RPF2: variants seen among roughly 807,000 people sequenced by gnomAD.
The protein encoded by RPF2 is ribosome production factor 2 homolog, also known as brix domain containing 1.
Under a neutral mutation model 38.9 loss-of-function variants are expected in RPF2, and 21 were observed. That is an observed-to-expected ratio of 0.54 (90% CI 0.38 to 0.78). The LOEUF (loss-of-function observed/expected upper bound fraction) is 0.78, where lower values mean the gene tolerates loss of function less well. Ranked by LOEUF, RPF2 falls within the 30% of genes least tolerant of loss-of-function variation. The pLI, the probability that RPF2 is intolerant of heterozygous loss-of-function variation, is 0.00. For missense variants in RPF2, 314 were observed against 358.1 expected, an observed-to-expected ratio of 0.88 and a Z score of 0.99; for synonymous variants, 121 against 126.2, an observed-to-expected ratio of 0.96 and a Z score of 0.28.
intron 2 of RPF2, 55 bp downstream of exon 2, chr6:110,985,193 G>A: frequency 1.4e-6 from 2 of 1,478,764 alleles, no homozygotes; most frequent in Non-Finnish European, 1.8e-6. Flanking sequence ...AGAATTTTCA[G>A]CATGCTAGGA....
At chr6:111,017,995 G>A (rs1483509951) in intron 8 of RPF2, among the ~76,000 whole-genome samples, 7 of 152,106 alleles carry the variant, frequency 4.6e-5, no homozygotes. Context: ...CAGATCACTC[G>A]CGGTTAGGAG....
At chr6:110,987,898 CTGTAATCCCAGCACTT>C (rs1210477115) in intron 2 of RPF2, among the ~76,000 whole-genome samples, 1 of 152,090 alleles carries the variant, frequency 6.6e-6, no homozygotes, top group Non-Finnish European at 1.5e-5. Context: ...TGGCTCACAC[CTGTAATCCCAGCACTT>C]TGGGAGGCTG....
intron 7 of RPF2, among the ~76,000 whole-genome samples, chr6:111,011,271 G>C (rs1459786157): frequency 6.7e-6 from 1 of 148,974 alleles, no homozygotes. Context: ...AATTATCAAG[G>C]GTATTTTTCT....
At chr6:111,008,596 G>T (rs1396280329) in intron 7 of RPF2, among the ~76,000 whole-genome samples, 1 of 151,930 alleles carries the variant, frequency 6.6e-6, no homozygotes, top group African/African-American at 2.4e-5. Flanking sequence ...ATTAAATTTA[G>T]AAAGTTGAGG....
intron 8 of RPF2, among the ~76,000 whole-genome samples, chr6:111,016,701 T>TTA (rs397886006): frequency 4.1e-5 from 6 of 147,664 alleles, no homozygotes; most frequent in African/African-American, 1.3e-4. Flanking sequence ...TTTTTTTTTT[T>TTA]AATTGATCAT....
At chr6:111,012,383 G>A (rs752683579) in intron 7 of RPF2, among the ~76,000 whole-genome samples, 2 of 151,888 alleles carry the variant, frequency 1.3e-5, no homozygotes, top group African/African-American at 2.4e-5. Context: ...CATTGCTTGG[G>A]CTGGTCTCAG....
intron 8 of RPF2, among the ~76,000 whole-genome samples, chr6:111,023,461 TATA>T (rs1167129045): frequency 2.0e-5 from 3 of 152,206 alleles, no homozygotes; most frequent in African/African-American, 7.2e-5. Flanking sequence ...AAAAGCCAAT[TATA>T]ATTACTTTTA....
rs1257437183 is a variant in RPF2 at position 111,027,106 on chromosome 6, C to T, written c.*1524C>T. ...TTAGAGAGCTCCGTGCCTGTGTATA[C>T]ATGCCTTTATGTAAGCTTGCTCAGC... On this transcript the variant is annotated 3_prime_UTR_variant, in exon 10 of 10. Transcript: ENST00000441448. The T allele has an allele frequency of 2.6e-5, 4 of 152,118 alleles. No homozygotes were observed. Among genetic ancestry groups the T allele is most frequent in the African/African-American group, 9.7e-5 (4 of 41,422 alleles). 9.4% of individuals were successfully genotyped at this position (152,118 alleles called of 1,614,324 possible). A position where few individuals can be genotyped will look rare whatever the true frequency, so the allele number is the denominator to read the frequency against.
At position 111,026,042 on chromosome 6, in the gene RPF2, T is replaced by C. The variant is rs1405942322; in HGVS notation, c.*460T>C. 1 of 152,578 alleles carries C rather than the reference T, an allele frequency of 6.6e-6. No individual in the cohort carries two copies. The highest frequency in any genetic ancestry group is 2.4e-5 in the African/African-American group (1 of 41,458). 9.5% of individuals were successfully genotyped at this position (152,578 alleles called of 1,614,324 possible). The stretch of plus-strand genomic sequence containing the variant: ...ACTTTTATTTTGCCTGAAATCCTAC[T>C]CGTTGACATTTGAGATTTTAAGCTT... On this transcript the variant is annotated 3_prime_UTR_variant, in exon 10 of 10. Transcript: ENST00000441448.
At chr6:110,988,204 AAAAT>A (rs371153688) in intron 2 of RPF2, among the ~76,000 whole-genome samples, 51 of 152,204 alleles carry the variant, frequency 3.4e-4, no homozygotes, top group African/African-American at 1.2e-3. Flanking sequence ...CCCTGTCTCA[AAAAT>A]AAATAAATAA....
At chr6:110,993,825 A>G (rs918654576) in intron 4 of RPF2, among the ~76,000 whole-genome samples, 1 of 152,158 alleles carries the variant, frequency 6.6e-6, no homozygotes, top group Non-Finnish European at 1.5e-5. Flanking sequence ...ATAGTGGTCA[A>G]TTTTCTCCTC....
intron 8 of RPF2, among the ~76,000 whole-genome samples, chr6:111,021,085 C>A (rs1772223931): frequency 6.6e-6 from 1 of 152,122 alleles, no homozygotes; most frequent in African/African-American, 2.4e-5. Flanking sequence ...AGGAGAATTG[C>A]TTGAACCACG....
At chr6:111,009,981 T>A (rs957422155) in intron 7 of RPF2, among the ~76,000 whole-genome samples, 1 of 152,120 alleles carries the variant, frequency 6.6e-6, no homozygotes, top group Non-Finnish European at 1.5e-5. Context: ...CCTCCATGAT[T>A]TTTAAAAGGT....
At chr6:110,999,614 G>C in intron 5 of RPF2, 97 bp from the exon 6 acceptor site, 1 of 719,552 alleles carries the variant, frequency 1.4e-6, no homozygotes, top group South Asian at 1.7e-5. Context: ...GAAAAAAGAG[G>C]CAGATATTAG....
chr6:110,995,106 C>T (rs1463993190), intron 4 of RPF2, among the ~76,000 whole-genome samples: 1 of 151,952 alleles, frequency 6.6e-6, no homozygotes, highest in African/African-American at 2.4e-5. Context: ...GATTTTGCCA[C>T]GTTGCCTGGG....
At chr6:110,982,225 C>T (rs1771444467) in intron 1 of RPF2, 96 bp downstream of exon 1, 8 of 1,391,052 alleles carry the variant, frequency 5.8e-6, no homozygotes, top group Middle Eastern at 3.5e-4. Context: ...TCCTGGTTAC[C>T]CCTCTAATTA....
intron 7 of RPF2, among the ~76,000 whole-genome samples, chr6:111,010,006 A>G (rs1451804835): frequency 6.6e-6 from 1 of 152,110 alleles, no homozygotes; most frequent in Non-Finnish European, 1.5e-5. Flanking sequence ...AGTACTTAGC[A>G]TTCTGCAATT....
chr6:111,001,914 C>T (rs936852713), intron 6 of RPF2, among the ~76,000 whole-genome samples: 3 of 152,232 alleles, frequency 2.0e-5, no homozygotes, highest in East Asian at 1.9e-4. Context: ...GAGGCCCTGG[C>T]GGGAGGATTG....
chr6:110,991,747 GA>G lies in RPF2; in HGVS notation c.200del (p.Asn67IlefsTer37). ...KKPYGVLYKK[K>X]NITRPFEDQT... ...ATTGTCACTTTTTTGATATTCTTAG[GA>G]AAAATATTACAAGACCTTTTGAGGA... On this transcript the variant is annotated frameshift_variant and splice_region_variant, in exon 4 of 10. Coordinates refer to ENST00000441448, the MANE Select transcript of RPF2 (RefSeq NM_032194.3). LOFTEE classifies it high-confidence loss of function. The G allele has an allele frequency of 6.0e-6, 7 of 1,174,016 alleles. No homozygotes were observed. Among genetic ancestry groups the G allele is most frequent in the Non-Finnish European group, 8.4e-6 (7 of 833,428 alleles). 72.7% of individuals were successfully genotyped at this position (1,174,016 alleles called of 1,614,324 possible). A position where few individuals can be genotyped will look rare whatever the true frequency, so the allele number is the denominator to read the frequency against.
Sources: allele counts gnomAD v4.1 joint callset (sites outside exome capture counted in the v4.1 genomes callset), GRCh38; gene constraint gnomAD v4.1.1; transcripts MANE v1.5; gene names NCBI Gene and HGNC (gene_info 2026-07-23, HGNC 2026-07-21).